The following SLC10A2 variants were observed in gnomAD, a reference collection of about 807,000 sequenced individuals.
SLC10A2 encodes the protein solute carrier family 10 member 2, also known as ileal sodium/bile acid cotransporter.
In SLC10A2, 34 loss-of-function variants were observed where a neutral mutation model predicts 27.1. The observed-to-expected ratio is 1.26, with a 90% CI of 0.96 to 1.67. SLC10A2 has a LOEUF of 1.67. SLC10A2 is among the 40% of genes most tolerant of loss of function. SLC10A2 has a pLI of 0.00. For missense variants in SLC10A2, 530 were observed against 444.4 expected, an observed-to-expected ratio of 1.19 and a Z score of -1.73; for synonymous variants, 205 against 174.0, an observed-to-expected ratio of 1.18 and a Z score of -1.40.
At chr13:103,060,209 A>G (rs1876070450) in intron 1 of SLC10A2, among the ~76,000 whole-genome samples, 1 of 152,004 alleles carries the variant, frequency 6.6e-6, no homozygotes, top group African/African-American at 2.4e-5. Flanking sequence ...AAAGCCACAC[A>G]CTGTCTGGGC....
intron 3 of SLC10A2, among the ~76,000 whole-genome samples, chr13:103,052,313 G>A (rs1316075206): frequency 6.6e-6 from 1 of 152,100 alleles, no homozygotes; most frequent in Non-Finnish European, 1.5e-5. Flanking sequence ...AATTTTTCCT[G>A]TGACTGCAAT....
intron 2 of SLC10A2, among the ~76,000 whole-genome samples, chr13:103,053,079 A>G (rs1009276514): frequency 1.9e-5 from 2 of 103,554 alleles, no homozygotes; most frequent in Non-Finnish European, 3.8e-5. Flanking sequence ...ATAGCTCACC[A>G]AGGTGTGTGT....
chr13:103,060,793 G>A (rs1456455566), intron 1 of SLC10A2, among the ~76,000 whole-genome samples: 4 of 152,252 alleles, frequency 2.6e-5, no homozygotes, highest in South Asian at 2.1e-4. Flanking sequence ...TCAACAGGTC[G>A]TCATTGAGGT....
chr13:103,059,631 A>G (rs1196482069), intron 1 of SLC10A2, among the ~76,000 whole-genome samples: 1 of 152,198 alleles, frequency 6.6e-6, no homozygotes, highest in African/African-American at 2.4e-5. Flanking sequence ...CGATGGGTTA[A>G]AGTCATCATT....
At chr13:103,059,137 A>G (rs908401142) in intron 1 of SLC10A2, among the ~76,000 whole-genome samples, 5 of 152,180 alleles carry the variant, frequency 3.3e-5, no homozygotes, top group Non-Finnish European at 7.4e-5. Context: ...TTGCCTTTTT[A>G]ATAATAGCCA....
chr13:103,061,695 G>A (rs1365322616), intron 1 of SLC10A2, among the ~76,000 whole-genome samples: 2 of 152,138 alleles, frequency 1.3e-5, no homozygotes, highest in African/African-American at 4.8e-5. Flanking sequence ...AGAGGGTTTG[G>A]AGAAGGAAAG....
chr13:103,048,451 GCAAAACCAAA>G (rs1383782916), intron 5 of SLC10A2, among the ~76,000 whole-genome samples: 2 of 150,940 alleles, frequency 1.3e-5, no homozygotes, highest in African/African-American at 2.4e-5. Flanking sequence ...AGAGAGAAAA[GCAAAACCAAA>G]CAAAACCAAA....
intron 3 of SLC10A2, 141 bp downstream of exon 3, chr13:103,052,479 G>A (rs1279968962): frequency 1.7e-5 from 12 of 713,138 alleles, no homozygotes; most frequent in African/African-American, 8.8e-5. Context: ...CATTCTAAAG[G>A]AGAAGACTGC....
rs560021260 is a variant in SLC10A2, at chr13:103,064,709, G to A, written c.377+1164C>T. Among the ~76,000 whole-genome samples, 6 of 151,030 alleles carry A rather than the reference G, an allele frequency of 4.0e-5. No homozygotes were observed. In the East Asian group the frequency reaches 5.9e-4, roughly 15 times the overall value. Reference sequence around the variant, plus strand: ...TTCACAGATTAACTAAACCTGAATAGCACTTGCCATCCTATGTTGTTTTAT... The same window carrying A: ...TTCACAGATTAACTAAACCTGAATAACACTTGCCATCCTATGTTGTTTTAT... On this transcript the variant is annotated intron_variant, in intron 1 of 5. Transcript: ENST00000245312.
In SLC10A2 at chr13:103,065,957, A is replaced by G. The variant is rs770387114; in HGVS notation, c.293T>C (p.Val98Ala). The G allele has an allele frequency of 6.2e-7, 1 of 1,614,178 alleles. No homozygotes were observed. The highest frequency in any genetic ancestry group is 8.5e-7 in the Non-Finnish European group (1 of 1,180,004). The part of the protein sequence containing the change: ...VAFDILPLQA[V>A]VVLIIGCCPG... ...GCAGCATCCTATAATGAGCACCACTACGGCCTGGAGCGGGAGGATGTCAAA... is the reference window on the plus strand; with the variant it reads ...GCAGCATCCTATAATGAGCACCACTGCGGCCTGGAGCGGGAGGATGTCAAA... Residue 98 changes from valine (V) to alanine (A), a missense_variant, in exon 1 of 6, where the codon GTA becomes GCA. Coordinates refer to ENST00000245312, the MANE Select transcript of SLC10A2 (RefSeq NM_000452.3).
chr13:103,045,846 G>A lies in SLC10A2; in HGVS notation c.*287C>T, dbSNP rs1345730509. On this transcript the variant is annotated 3_prime_UTR_variant, in exon 6 of 6. Transcript: ENST00000245312. ...TGTTTTCATTCTCGGTGTTCCCTAT[G>A]TCAGGTTTAGTCTGAGAATATTTTG... 2.0e-5 allele frequency: 5 copies of A among 249,742 alleles called. No homozygotes were observed. In the East Asian group the frequency reaches 2.7e-4, roughly 13 times the overall value. 15.5% of individuals were successfully genotyped at this position (249,742 alleles called of 1,614,324 possible).
intron 1 of SLC10A2, among the ~76,000 whole-genome samples, chr13:103,065,640 ACT>A (rs1876249290): frequency 6.6e-6 from 1 of 152,142 alleles, no homozygotes; most frequent in African/African-American, 2.4e-5. Context: ...CAATTATGCA[ACT>A]CCCTGTTAAC....
Position 103,058,314 on chromosome 13 carries a change from G to T in SLC10A2, c.446C>A (p.Thr149Asn). ...GCTCCCAGAGTCGACCCACATTTTG[G>T]TATAGATAAGGAGGCACAGCGGCAT... ...GMMPLCLLIYTKMWVDSGSIV... is the reference protein window; with the variant it reads ...GMMPLCLLIYNKMWVDSGSIV... Residue 149 changes from threonine to asparagine, a missense_variant, in exon 2 of 6, where the codon ACC (threonine) becomes AAC (asparagine). Physicochemically the swap from Thr to Asn is moderately conservative, Grantham distance 65. Coordinates refer to ENST00000245312, the MANE Select transcript of SLC10A2 (RefSeq NM_000452.3). The T allele has an allele frequency of 6.2e-7, 1 of 1,613,712 alleles. No homozygotes were observed.
At chr13:103,047,461 A>G (rs540868226) in intron 5 of SLC10A2, among the ~76,000 whole-genome samples, 2 of 152,116 alleles carry the variant, frequency 1.3e-5, no homozygotes, top group East Asian at 3.9e-4. Context: ...GATTTCATTT[A>G]ACCAAACTAT....
intron 4 of SLC10A2, 61 bp from the exon 5 acceptor site, chr13:103,049,507 G>A (rs1417298959): frequency 5.2e-6 from 8 of 1,545,816 alleles, no homozygotes; most frequent in Non-Finnish European, 6.2e-6. Flanking sequence ...AACATGAAAA[G>A]CAGATATAAT....
chr13:103,046,271 A>G lies in SLC10A2; in HGVS notation c.920-11T>C. On this transcript the variant is annotated splice_polypyrimidine_tract_variant and intron_variant, in intron 5 of 5. Transcript: ENST00000245312. ...TGTATGCCACATAAACTAGAAAACA[A>G]TACACAGACAGTTAAGTAAATTTTA... is the stretch of plus-strand genomic sequence containing the variant. 6 of 1,604,750 alleles carry G rather than the reference A, an allele frequency of 3.7e-6. No homozygotes were observed. Among genetic ancestry groups the G allele is most frequent in the Non-Finnish European group, 5.1e-6 (6 of 1,172,278 alleles).
In SLC10A2 at chr13:103,049,355, C is replaced by G; in HGVS notation, c.853G>C (p.Val285Leu). The G allele has an allele frequency of 6.2e-7, 1 of 1,613,986 alleles. No homozygotes were observed. The highest frequency in any genetic ancestry group is 8.5e-7 in the Non-Finnish European group (1 of 1,179,946). The change falls in exon 5 of 6, where the codon GTC becomes CTC. Residue 285 changes from valine (V) to leucine (L), a missense_variant. Transcript: ENST00000245312. ...QLSFTPEELN[V>L]VFTFPLIYSI... ...TAGATGAGCGGGAAGGTGAATACGA[C>G]ATTGAGCTCCTCAGGAGTGAAGGAG...
intron 5 of SLC10A2, among the ~76,000 whole-genome samples, chr13:103,048,308 G>A (rs559042569): frequency 9.9e-5 from 15 of 151,430 alleles, no homozygotes; most frequent in Admixed American, 5.9e-4. Context: ...GGAGAATGGC[G>A]TGAACCCAGG....
chr13:103,060,519 G>T (rs1483271858), intron 1 of SLC10A2, among the ~76,000 whole-genome samples: 1 of 151,824 alleles, frequency 6.6e-6, no homozygotes, highest in Non-Finnish European at 1.5e-5. Flanking sequence ...GGGAATACAG[G>T]CATGAGCCAC....
Sources: allele counts gnomAD v4.1 joint callset (sites outside exome capture counted in the v4.1 genomes callset), GRCh38; gene constraint gnomAD v4.1.1; transcripts MANE v1.5; gene names NCBI Gene and HGNC (gene_info 2026-07-23, HGNC 2026-07-21).